RORB: variants seen among roughly 807,000 people sequenced by gnomAD.
The protein encoded by RORB is RAR related orphan receptor B.
Under a neutral mutation model 59.1 loss-of-function variants are expected in RORB, and 6 were observed. The ratio of observed to expected loss-of-function variants is 0.10; its 90% confidence interval spans 0.06 to 0.20. The LOEUF is 0.20. Ranked by LOEUF, RORB falls within the 10% of genes least tolerant of loss-of-function variation. RORB has a pLI of 1.00. For synonymous variants in RORB, 215 were observed against 204.5 expected (o/e 1.05, Z -0.44); for missense variants, 320 against 560.5 (o/e 0.57, Z 4.33).
chr9:74,609,844 C>T (rs1240421181), intron 1 of RORB, among the ~76,000 whole-genome samples: 2 of 152,042 alleles, frequency 1.3e-5, no homozygotes, highest in African/African-American at 2.4e-5. Context: ...GGGTATTTGG[C>T]AATATTTGGA....
chr9:74,570,762 G>A (rs1822539168), intron 1 of RORB, among the ~76,000 whole-genome samples: 1 of 151,948 alleles, frequency 6.6e-6, no homozygotes, highest in Admixed American at 6.6e-5. Flanking sequence ...TCACCACAGA[G>A]CCTGAAAAAT....
At position 74,689,495 on chromosome 9, in the gene RORB, A is replaced by C. The variant is rs1824703147; in HGVS notation, c.*3877A>C. 1.3e-5 allele frequency: 2 copies of C among 152,176 alleles called. No individual in the cohort carries two copies. The highest frequency in any genetic ancestry group is 1.3e-4 in the Admixed American group (2 of 15,276). The allele number at this position is 152,176 out of a possible 1,614,324, so 9.4% of individuals were successfully genotyped here. ...CTTTCTGAATTTCCCTTGTTTTAGCACTGTGTTCAGGGCTCTGGACTAAAG... is the reference window on the plus strand; with the variant it reads ...CTTTCTGAATTTCCCTTGTTTTAGCCCTGTGTTCAGGGCTCTGGACTAAAG... On this transcript the variant is annotated 3_prime_UTR_variant, in exon 10 of 10. Transcript: ENST00000376896.
rs571973540 is a variant in RORB at position 74,642,608 on chromosome 9, G to C, written c.430G>C (p.Gly144Arg). 2.5e-6 allele frequency: 4 copies of C among 1,614,040 alleles called. No individual in the cohort carries two copies. Among genetic ancestry groups the C allele is most frequent in the East Asian group, 4.5e-5 (2 of 44,886 alleles). Residue 144 changes from glycine (G) to arginine (R), a missense_variant, in exon 4 of 10, where the codon GGG (glycine) becomes CGG (arginine). Physicochemically the swap from Gly to Arg is moderately radical, Grantham distance 125 (BLOSUM62 -2). Coordinates refer to ENST00000376896, the MANE Select transcript of RORB (RefSeq NM_006914.4). ...NNETSGTYAN[G>R]HVIDLPKSEG... ...CGAGACCAGCGGCACTTATGCCAAC[G>C]GGCACGTCATTGACCTGCCCAAGTC...
At chr9:74,507,324 T>A (rs1466341907) in intron 1 of RORB, among the ~76,000 whole-genome samples, 5 of 152,118 alleles carry the variant, frequency 3.3e-5, no homozygotes, top group Admixed American at 3.3e-4. Flanking sequence ...TAAAAAGCAA[T>A]TTAAAGACAA....
intron 1 of RORB, among the ~76,000 whole-genome samples, chr9:74,581,012 C>T (rs972799765): frequency 3.3e-5 from 5 of 152,146 alleles, no homozygotes; most frequent in Non-Finnish European, 7.4e-5. Context: ...GGGATGCAGT[C>T]CAATTTCTTC....
intron 1 of RORB, among the ~76,000 whole-genome samples, chr9:74,512,999 G>A (rs546813568): frequency 3.1e-4 from 47 of 152,250 alleles, no homozygotes; most frequent in African/African-American, 1.1e-3. Flanking sequence ...TGCAAGTCAG[G>A]TAGTTTCCTT....
chr9:74,514,473 G>T (rs543673112), intron 1 of RORB, among the ~76,000 whole-genome samples: 1 of 151,910 alleles, frequency 6.6e-6, no homozygotes, highest in Non-Finnish European at 1.5e-5. Context: ...AAAACAGGTG[G>T]CAGGCTGTTG....
chr9:74,558,343 T>A (rs1308063730), intron 1 of RORB, among the ~76,000 whole-genome samples: 1 of 152,160 alleles, frequency 6.6e-6, no homozygotes. Context: ...TCATTCAGAA[T>A]CTGTCGTCCT....
chr9:74,575,726 G>T (rs971030417), intron 1 of RORB, among the ~76,000 whole-genome samples: 6 of 152,044 alleles, frequency 3.9e-5, no homozygotes, highest in Non-Finnish European at 7.4e-5. Context: ...TTAGAGATCT[G>T]CCTCCTAAAA....
At chr9:74,613,528 A>T (rs1434503038) in intron 1 of RORB, among the ~76,000 whole-genome samples, 1 of 152,144 alleles carries the variant, frequency 6.6e-6, no homozygotes, top group East Asian at 1.9e-4. Flanking sequence ...CGTTAGAATT[A>T]CTTTAGAAGT....
chr9:74,507,226 A>G (rs1423373006), intron 1 of RORB, among the ~76,000 whole-genome samples: 1 of 152,102 alleles, frequency 6.6e-6, no homozygotes, highest in Non-Finnish European at 1.5e-5. Context: ...AGTGTTACAT[A>G]TAACTTAAGT....
At chr9:74,640,466 G>A (rs1823783774) in intron 3 of RORB, among the ~76,000 whole-genome samples, 1 of 149,862 alleles carries the variant, frequency 6.7e-6, no homozygotes. Flanking sequence ...TGTATTTTTA[G>A]TAGAGACAGG....
At chr9:74,655,088 C>G (rs1469619153) in intron 4 of RORB, among the ~76,000 whole-genome samples, 2 of 152,152 alleles carry the variant, frequency 1.3e-5, no homozygotes, top group Non-Finnish European at 2.9e-5. Context: ...TCTCTTTCCT[C>G]TATATCATTA....
At chr9:74,523,573 T>C (rs1213169767) in intron 1 of RORB, among the ~76,000 whole-genome samples, 1 of 151,934 alleles carries the variant, frequency 6.6e-6, no homozygotes, top group Non-Finnish European at 1.5e-5. Flanking sequence ...ATTGTACATA[T>C]ATGAACAATT....
chr9:74,498,047 G>T (rs539366470), intron 1 of RORB, 64 bp downstream of exon 1: 1 of 1,581,000 alleles, frequency 6.3e-7, no homozygotes, highest in Admixed American at 1.7e-5. Context: ...ACGGGGAGAT[G>T]GGGGAGGGGA....
chr9:74,662,683 A>G lies in RORB; in HGVS notation c.892+77A>G, dbSNP rs1395178856. 7 of 1,481,948 alleles carry G rather than the reference A, an allele frequency of 4.7e-6. No individual in the cohort carries two copies. In the East Asian group the frequency reaches 1.1e-4, roughly 24 times the overall value. The allele number at this position is 1,481,948 out of a possible 1,614,324, so 91.8% of individuals were successfully genotyped here. A position where few individuals can be genotyped will look rare whatever the true frequency, so the allele number is the denominator to read the frequency against. ...CCTTAGCACTGTGTTGGTTCTAGAA[A>G]ATCCTCCTTCCGATATGCAGCTCGT... On this transcript the variant is annotated intron_variant, in intron 6 of 9. Coordinates refer to ENST00000376896, the MANE Select transcript of RORB (RefSeq NM_006914.4).
chr9:74,532,874 A>G (rs566084493), intron 1 of RORB, among the ~76,000 whole-genome samples: 222 of 141,646 alleles, frequency 1.6e-3, no homozygotes, highest in African/African-American at 5.9e-3. Flanking sequence ...GTGTGTGTGT[A>G]TATATATATG....
chr9:74,624,200 A>T (rs1823470443), intron 1 of RORB, among the ~76,000 whole-genome samples: 1 of 152,196 alleles, frequency 6.6e-6, no homozygotes, highest in Admixed American at 6.5e-5. Flanking sequence ...AAATAATATA[A>T]AGCCAAATGT....
intron 3 of RORB, among the ~76,000 whole-genome samples, chr9:74,636,504 T>C (rs1311013020): frequency 6.6e-6 from 1 of 152,042 alleles, no homozygotes; most frequent in Admixed American, 6.6e-5. Flanking sequence ...TCCCGTAACA[T>C]AAAAGAAATG....
Sources: allele counts gnomAD v4.1 joint callset (sites outside exome capture counted in the v4.1 genomes callset), GRCh38; gene constraint gnomAD v4.1.1; transcripts MANE v1.5; gene names NCBI Gene and HGNC (gene_info 2026-07-23, HGNC 2026-07-21).